The following PLCB4 variants were observed in gnomAD, a reference collection of about 807,000 sequenced individuals.
The protein encoded by PLCB4 is 1-phosphatidylinositol 4,5-bisphosphate phosphodiesterase beta-4.
A neutral mutation model predicts 178.8 loss-of-function variants in PLCB4; 77 were observed. The ratio of observed to expected loss-of-function variants is 0.43; its 90% confidence interval spans 0.36 to 0.52. PLCB4 has a LOEUF of 0.52. Among genes scored for constraint, PLCB4 ranks in the 20% least tolerant of loss-of-function variants. The pLI is 0.00. For missense variants in PLCB4, 1,024 were observed against 1,453.4 expected, an observed-to-expected ratio of 0.70 and a Z score of 4.80; for synonymous variants, 496 against 490.8, an observed-to-expected ratio of 1.01 and a Z score of -0.14.
Position 9,477,580 on chromosome 20 carries a change from CT to C in PLCB4, c.3532+828del, listed in dbSNP as rs749360393. On this transcript the variant is annotated intron_variant, in intron 39 of 39. Transcript: ENST00000378473. ...GTTTCACTGTCATCCCTTTTGAATA[CT>C]GTTTGTGTCATAGTTTCATGTTTGT... Among the ~76,000 whole-genome samples, 138 of 150,142 alleles carry C rather than the reference CT, an allele frequency of 9.2e-4. 2 individuals are homozygous for C. Among genetic ancestry groups the C allele is most frequent in the Admixed American group, 6.0e-3 (90 of 14,912 alleles).
chr20:9,155,843 A>C (rs1447504221), intron 2 of PLCB4, among the ~76,000 whole-genome samples: 1 of 152,160 alleles, frequency 6.6e-6, no homozygotes, highest in Non-Finnish European at 1.5e-5. Context: ...CTCATAGACT[A>C]TACCTACATC....
At chr20:9,408,741 T>C in intron 23 of PLCB4, 24 bp downstream of exon 23, 1 of 1,267,684 alleles carries the variant, frequency 7.9e-7, no homozygotes, top group Non-Finnish European at 1.2e-6. Context: ...TCAAGTGGAA[T>C]GAGTGGTTGA....
intron 2 of PLCB4, among the ~76,000 whole-genome samples, chr20:9,157,287 T>A (rs1234612468): frequency 2.0e-5 from 3 of 151,634 alleles, no homozygotes; most frequent in Admixed American, 2.0e-4. Context: ...TTTCAAAAAG[T>A]CTCATTGCAT....
At chr20:9,076,237 T>C (rs6056382) in intron 1 of PLCB4, among the ~76,000 whole-genome samples, 94,808 of 151,844 alleles carry the variant, frequency 0.62, 29,718 homozygotes, top group South Asian at 0.72. Flanking sequence ...GAGGCCGAGG[T>C]AGGTGGGTCA....
intron 7 of PLCB4, among the ~76,000 whole-genome samples, chr20:9,359,641 C>T (rs558846297): frequency 7.9e-5 from 12 of 152,190 alleles, no homozygotes; most frequent in Admixed American, 2.0e-4. Flanking sequence ...AAGGAAAGTG[C>T]CCCGTGTGGC....
intron 1 of PLCB4, among the ~76,000 whole-genome samples, chr20:9,095,906 GA>G (rs139572912): frequency 0.022 from 3,352 of 152,238 alleles, 116 homozygotes; most frequent in African/African-American, 0.075. Flanking sequence ...GCAGAAACAA[GA>G]GTGGAGTTTT....
chr20:9,323,145 T>C (rs1400850769), intron 4 of PLCB4, among the ~76,000 whole-genome samples: 1 of 152,182 alleles, frequency 6.6e-6, no homozygotes, highest in Non-Finnish European at 1.5e-5. Flanking sequence ...CCCATTGATA[T>C]TCCCTGAGCA....
At chr20:9,279,440 A>G (rs950310830) in intron 3 of PLCB4, among the ~76,000 whole-genome samples, 40 of 151,882 alleles carry the variant, frequency 2.6e-4, no homozygotes, top group Non-Finnish European at 8.8e-5. Flanking sequence ...GAAGGGGGGG[A>G]AATGACATTT....
chr20:9,331,690 CTT>C lies in PLCB4; in HGVS notation c.85-5434_85-5433del, dbSNP rs546989895. ...TAGTTGATTTGAAAGTAACTTGAAT[CTT>C]TGAAAAATAGGTTGTGATATTGATT... On this transcript the variant is annotated intron_variant, in intron 4 of 39. Coordinates refer to ENST00000378473, the MANE Select transcript of PLCB4 (RefSeq NM_001377142.1). 3.7e-3 allele frequency among the ~76,000 whole-genome samples: 559 copies of C among 152,242 alleles called. 1 individual carries two copies. The highest frequency in any genetic ancestry group is 0.013 in the African/African-American group (522 of 41,566).
At chr20:9,068,808 CGGGGGACG>C (rs2089406520), upstream of PLCB4, 1 of 140,626 alleles carries the variant, frequency 7.1e-6, no homozygotes, top group Non-Finnish European at 1.6e-5. Flanking sequence ...GGGCCCGGAG[CGGGGGACG>C]CGCAGGGCCC....
chr20:9,265,143 A>T (rs2094336199), intron 3 of PLCB4, among the ~76,000 whole-genome samples: 1 of 152,164 alleles, frequency 6.6e-6, no homozygotes, highest in South Asian at 2.1e-4. Flanking sequence ...TCAGTGTTGT[A>T]GTATTAGGGA....
chr20:9,209,826 T>C (rs189569844), intron 2 of PLCB4, among the ~76,000 whole-genome samples: 2 of 151,022 alleles, frequency 1.3e-5, no homozygotes, highest in Non-Finnish European at 3.0e-5. Context: ...TAGCCGGGCG[T>C]GGTGGCGGGC....
At chr20:9,469,406 G>A (rs1188141519) in intron 36 of PLCB4, among the ~76,000 whole-genome samples, 2 of 152,172 alleles carry the variant, frequency 1.3e-5, no homozygotes, top group Non-Finnish European at 2.9e-5. Context: ...CAGTCAGGAG[G>A]GCGGTCTTCT....
intron 2 of PLCB4, among the ~76,000 whole-genome samples, chr20:9,143,884 C>T (rs6056426): frequency 6.6e-6 from 1 of 152,012 alleles, no homozygotes; most frequent in Non-Finnish European, 1.5e-5. Flanking sequence ...GCTGGGCTTC[C>T]TTCTGCAAAA....
In PLCB4 at chr20:9,372,857, CTGT is replaced by C. The variant is rs111506447; in HGVS notation, c.687-170_687-168del. On this transcript the variant is annotated intron_variant, in intron 11 of 39. Transcript: ENST00000378473. Reference sequence around the variant, plus strand: ...GTGACCTAGTGGGAGTGTTTTCCTTCTGTTGTTGTTGTTGTTGTTGTTTTATTT... The same window carrying C: ...GTGACCTAGTGGGAGTGTTTTCCTTCTGTTGTTGTTGTTGTTGTTTTATTT... 3.4e-3 allele frequency among the ~76,000 whole-genome samples: 512 copies of C among 150,248 alleles called. 2 individuals carry two copies. Among genetic ancestry groups the C allele is most frequent in the African/African-American group, 0.011 (432 of 41,040 alleles).
At chr20:9,443,040 A>G (rs1429945470) in intron 30 of PLCB4, among the ~76,000 whole-genome samples, 1 of 152,138 alleles carries the variant, frequency 6.6e-6, no homozygotes, top group Non-Finnish European at 1.5e-5. Context: ...TCAAACAGAA[A>G]CTGTTTGAGG....
chr20:9,313,037 C>A (rs2094854998), intron 4 of PLCB4, among the ~76,000 whole-genome samples: 1 of 152,100 alleles, frequency 6.6e-6, no homozygotes, highest in Non-Finnish European at 1.5e-5. Context: ...CTTAGGTATG[C>A]CTCTTCAATC....
intron 4 of PLCB4, among the ~76,000 whole-genome samples, chr20:9,329,656 A>G (rs7269054): frequency 0.057 from 8,621 of 152,262 alleles, 605 homozygotes; most frequent in East Asian, 0.28. Context: ...ATCAAAGGCC[A>G]TCAAAAGGAA....
chr20:9,141,213 G>T (rs2092483628), intron 2 of PLCB4, among the ~76,000 whole-genome samples: 1 of 152,102 alleles, frequency 6.6e-6, no homozygotes, highest in Admixed American at 6.6e-5. Context: ...TGACCATTGG[G>T]CCAGAACTAC....
Sources: gnomAD v4.1 joint callset for allele counts (sites outside exome capture counted in the v4.1 genomes callset) on GRCh38, gnomAD v4.1.1 for gene constraint, MANE v1.5 for transcripts, NCBI Gene and HGNC (gene_info 2026-07-23, HGNC 2026-07-21) for gene names.